SORCS1: variants seen among roughly 807,000 people sequenced by gnomAD.
SORCS1 encodes the protein sortilin related VPS10 domain containing receptor 1, also known as VPS10 domain-containing receptor SorCS1.
SORCS1 carries 60 observed loss-of-function variants against 146.1 expected under a neutral mutation model. That is an observed-to-expected ratio of 0.41 (90% CI 0.33 to 0.51). The LOEUF (loss-of-function observed/expected upper bound fraction) is 0.51. Ranked by LOEUF, SORCS1 falls within the 20% of genes least tolerant of loss-of-function variation. SORCS1 has a pLI of 0.21. For missense variants in SORCS1, 1,352 were observed against 1,487.6 expected (o/e 0.91, Z 1.50); for synonymous variants, 637 against 584.0 (o/e 1.09, Z -1.31).
chr10:106,749,148 T>G (rs1857962091), intron 5 of SORCS1, among the ~76,000 whole-genome samples: 1 of 152,220 alleles, frequency 6.6e-6, no homozygotes, highest in Non-Finnish European at 1.5e-5. Context: ...TCAGAGTCTC[T>G]GTAAGGTTTC....
chr10:106,917,231 G>T (rs1212058685), intron 2 of SORCS1, among the ~76,000 whole-genome samples: 1 of 152,104 alleles, frequency 6.6e-6, no homozygotes, highest in East Asian at 1.9e-4. Flanking sequence ...CAAATTTTGA[G>T]TTTCTTTTTT....
intron 17 of SORCS1, among the ~76,000 whole-genome samples, chr10:106,663,602 A>G (rs1176721831): frequency 6.6e-6 from 1 of 152,236 alleles, no homozygotes; most frequent in Non-Finnish European, 1.5e-5. Context: ...ACACATAGCC[A>G]AATGACATCT....
intron 18 of SORCS1, among the ~76,000 whole-genome samples, chr10:106,632,613 T>C (rs1262891470): frequency 6.6e-6 from 1 of 152,180 alleles, no homozygotes. Flanking sequence ...CTCATGTCAG[T>C]CACCAAATGG....
intron 22 of SORCS1, among the ~76,000 whole-genome samples, chr10:106,608,752 C>G (rs1326626103): frequency 6.6e-6 from 1 of 152,152 alleles, no homozygotes; most frequent in Non-Finnish European, 1.5e-5. Context: ...AAGAAGTGCT[C>G]TTGGGAACAA....
At chr10:107,073,039 T>C (rs1193589219) in intron 1 of SORCS1, among the ~76,000 whole-genome samples, 1 of 152,182 alleles carries the variant, frequency 6.6e-6, no homozygotes, top group Non-Finnish European at 1.5e-5. Flanking sequence ...GTCTGCTGTG[T>C]TCCTATTAAA....
At chr10:107,153,317 T>C (rs111331277) in intron 1 of SORCS1, among the ~76,000 whole-genome samples, 2,021 of 152,296 alleles carry the variant, frequency 0.013, 43 homozygotes, top group African/African-American at 0.046. Flanking sequence ...TTGGTGCTTA[T>C]GTTGCTGTGA....
At chr10:107,065,649 TTTTG>T (rs34877501) in intron 1 of SORCS1, among the ~76,000 whole-genome samples, 36,351 of 150,410 alleles carry the variant, frequency 0.24, 4,639 homozygotes, top group Middle Eastern at 0.41. Context: ...CCCCAAATAG[TTTTG>T]TTTGTTTGTT....
At position 106,652,421 on chromosome 10, in the gene SORCS1, T is replaced by C; in HGVS notation, c.2436A>G (p.Glu812=). 1 of 1,614,138 alleles carries C rather than the reference T, an allele frequency of 6.2e-7. No homozygotes were observed. ...IVTADGKLTA[E]QGHNVTLMVQ... is the part of the protein sequence containing the mutation. Reference sequence around the variant, plus strand: ...CCATGAGAGTGACGTTGTGTCCTTGTTCCGCTGTCAGCTTTCCATCAGCCG... The same window carrying C: ...CCATGAGAGTGACGTTGTGTCCTTGCTCCGCTGTCAGCTTTCCATCAGCCG... The change falls in exon 18 of 26, where the codon GAA becomes GAG. Residue 812 remains glutamate, a synonymous_variant. Coordinates refer to ENST00000263054, the MANE Select transcript of SORCS1 (RefSeq NM_052918.5).
At chr10:106,913,908 A>C (rs1952286022) in intron 2 of SORCS1, among the ~76,000 whole-genome samples, 1 of 152,106 alleles carries the variant, frequency 6.6e-6, no homozygotes, top group Admixed American at 6.5e-5. Flanking sequence ...GCCACCTGCC[A>C]CTCACAGAGA....
chr10:106,641,014 C>T (rs1218956206), intron 18 of SORCS1, among the ~76,000 whole-genome samples: 1 of 152,200 alleles, frequency 6.6e-6, no homozygotes, highest in African/African-American at 2.4e-5. Context: ...CTTCTTGCAT[C>T]TGCCACAGTG....
chr10:106,829,534 A>C (rs1317075442), intron 3 of SORCS1, 40 bp downstream of exon 3: 3 of 1,455,180 alleles, frequency 2.1e-6, no homozygotes, highest in Non-Finnish European at 2.9e-6. Context: ...GACAGAAGTC[A>C]CATCATGAAT....
chr10:106,774,314 T>C (rs904308921), intron 4 of SORCS1, among the ~76,000 whole-genome samples: 2 of 152,106 alleles, frequency 1.3e-5, no homozygotes, highest in African/African-American at 4.8e-5. Flanking sequence ...GCCCTAAACA[T>C]ATCATTCTCT....
At chr10:106,742,461 C>A (rs1589783106) in intron 5 of SORCS1, among the ~76,000 whole-genome samples, 1 of 152,172 alleles carries the variant, frequency 6.6e-6, no homozygotes, top group East Asian at 1.9e-4. Flanking sequence ...CTCACTGCAG[C>A]CTCTGTCTTC....
At chr10:107,139,681 T>C (rs999596923) in intron 1 of SORCS1, among the ~76,000 whole-genome samples, 12 of 152,224 alleles carry the variant, frequency 7.9e-5, no homozygotes, top group African/African-American at 2.9e-4. Context: ...ATGCTCTCCA[T>C]ATGCCAAACC....
chr10:107,128,786 C>T (rs1565080990), intron 1 of SORCS1, among the ~76,000 whole-genome samples: 1 of 152,140 alleles, frequency 6.6e-6, no homozygotes, highest in African/African-American at 2.4e-5. Context: ...TGTTGATTAA[C>T]ATCAATTCTT....
intron 2 of SORCS1, among the ~76,000 whole-genome samples, chr10:106,833,105 T>A (rs1948629835): frequency 6.6e-6 from 1 of 152,182 alleles, no homozygotes; most frequent in Non-Finnish European, 1.5e-5. Context: ...TTAGCAACAT[T>A]TTTTTCAGAA....
At chr10:106,607,101 C>T (rs1589457234) in intron 23 of SORCS1, 65 bp downstream of exon 23, 2 of 1,583,390 alleles carry the variant, frequency 1.3e-6, no homozygotes, top group East Asian at 2.2e-5. Flanking sequence ...GAAATGGAGG[C>T]TTAGAAAGTT....
chr10:106,926,854 CACACACACACACAGAG>C (rs773676359), intron 2 of SORCS1, among the ~76,000 whole-genome samples: 98 of 104,914 alleles, frequency 9.3e-4, no homozygotes, highest in East Asian at 6.0e-3. Flanking sequence ...CACACACACA[CACACACACACACAGAG>C]AGAGAGAGAG....
intron 6 of SORCS1, among the ~76,000 whole-genome samples, chr10:106,709,927 AT>A (rs1854849780): frequency 6.6e-6 from 1 of 151,994 alleles, no homozygotes; most frequent in Non-Finnish European, 1.5e-5. Context: ...CTTGCTAATT[AT>A]TTTTTTCCCT....
Sources: gnomAD v4.1 joint callset for allele counts (sites outside exome capture counted in the v4.1 genomes callset) on GRCh38, gnomAD v4.1.1 for gene constraint, MANE v1.5 for transcripts, NCBI Gene and HGNC (gene_info 2026-07-23, HGNC 2026-07-21) for gene names.